CFAP54: variants seen among roughly 807,000 people sequenced by gnomAD.
CFAP54 encodes cilia- and flagella-associated protein 54.
CFAP54 carries 290 observed loss-of-function variants against 370.4 expected under a neutral mutation model. That is an observed-to-expected ratio of 0.78 (90% CI 0.71 to 0.86). CFAP54 has a LOEUF of 0.86. Ranked by LOEUF, CFAP54 falls within the 40% of genes least tolerant of loss-of-function variation. The pLI is 0.00. For missense variants in CFAP54, 3,399 were observed against 3,528.7 expected (o/e 0.96, Z 0.93); for synonymous variants, 1,206 against 1,236.5 (o/e 0.98, Z 0.52).
At chr12:96,669,718 G>A (rs1486616725) in intron 39 of CFAP54, among the ~76,000 whole-genome samples, 1 of 152,148 alleles carries the variant, frequency 6.6e-6, no homozygotes, top group East Asian at 1.9e-4. Context: ...TTACTTGCTT[G>A]GATTTAGTTC....
chr12:96,671,991 A>G (rs1462129614), intron 39 of CFAP54, among the ~76,000 whole-genome samples: 1 of 152,088 alleles, frequency 6.6e-6, no homozygotes, highest in East Asian at 1.9e-4. Flanking sequence ...AGAAAGAAAG[A>G]AAGAAAAAGA....
At chr12:96,833,136 T>G (rs894460950) in intron 66 of CFAP54, among the ~76,000 whole-genome samples, 1 of 152,188 alleles carries the variant, frequency 6.6e-6, no homozygotes, top group Non-Finnish European at 1.5e-5. Flanking sequence ...GCTTTCCTTC[T>G]TAGTGATTAA....
chr12:96,661,205 G>A (rs533594343), intron 38 of CFAP54, among the ~76,000 whole-genome samples: 12 of 152,130 alleles, frequency 7.9e-5, no homozygotes, highest in South Asian at 4.1e-4. Context: ...TTATCCTGCC[G>A]TGGTCTTTCT....
chr12:96,676,203 C>T (rs993555002), intron 39 of CFAP54, among the ~76,000 whole-genome samples: 1 of 152,102 alleles, frequency 6.6e-6, no homozygotes, highest in Non-Finnish European at 1.5e-5. Context: ...AAAATAGTAA[C>T]CCTCTGAGCC....
chr12:96,598,725 T>C lies in CFAP54; in HGVS notation c.3597T>C (p.Ser1199=), dbSNP rs1413010389. ...AGAAACATACTGCGAGCTTTGAAAGTATACAACACATGATAGCTTGTTGTA... is the reference window on the plus strand; with the variant it reads ...AGAAACATACTGCGAGCTTTGAAAGCATACAACACATGATAGCTTGTTGTA... ...CSKKHTASFE[S]IQHMIACCIF... The change falls in exon 26 of 68, where the codon AGT becomes AGC. Residue 1199 remains serine, a synonymous_variant. Coordinates refer to ENST00000524981, the MANE Select transcript of CFAP54 (RefSeq NM_001306084.2). 3 of 676,850 alleles carry C rather than the reference T, an allele frequency of 4.4e-6. No individual in the cohort carries two copies. The highest frequency in any genetic ancestry group is 8.1e-6 in the Non-Finnish European group (3 of 370,700). The allele number at this position is 676,850 out of a possible 1,614,324, so 41.9% of individuals were successfully genotyped here.
intron 32 of CFAP54, among the ~76,000 whole-genome samples, chr12:96,631,692 C>A (rs1314202381): frequency 1.3e-5 from 2 of 148,850 alleles, no homozygotes; most frequent in African/African-American, 4.9e-5. Context: ...ATTTAACATG[C>A]ATAAACAATA....
chr12:96,725,187 A>C (rs1957816321), intron 50 of CFAP54, among the ~76,000 whole-genome samples: 2 of 151,764 alleles, frequency 1.3e-5, no homozygotes, highest in South Asian at 4.2e-4. Context: ...ATGAACTTTA[A>C]AGTAATTTTT....
chr12:96,520,828 C>T (rs1264374292), intron 6 of CFAP54, among the ~76,000 whole-genome samples: 5 of 152,218 alleles, frequency 3.3e-5, no homozygotes, highest in African/African-American at 1.2e-4. Context: ...ATCTTGTTAA[C>T]GACCATAAAT....
At chr12:96,741,891 T>C (rs540395096) in intron 51 of CFAP54, among the ~76,000 whole-genome samples, 2 of 152,310 alleles carry the variant, frequency 1.3e-5, no homozygotes, top group Admixed American at 1.3e-4. Flanking sequence ...GAATCCCACC[T>C]CCGTCAAAAT....
intron 6 of CFAP54, among the ~76,000 whole-genome samples, chr12:96,519,456 A>G (rs748067192): frequency 6.6e-6 from 1 of 152,084 alleles, no homozygotes; most frequent in African/African-American, 2.4e-5. Context: ...CTGCCAGGGG[A>G]AAAACAAAAC....
chr12:96,846,238 A>C (rs1959340869), intron 66 of CFAP54, among the ~76,000 whole-genome samples: 5 of 152,216 alleles, frequency 3.3e-5, no homozygotes, highest in Admixed American at 3.3e-4. Context: ...CATTTCTCTT[A>C]AATACTTCGT....
intron 4 of CFAP54, among the ~76,000 whole-genome samples, chr12:96,510,491 T>C (rs953951165): frequency 2.0e-5 from 3 of 152,152 alleles, no homozygotes; most frequent in South Asian, 4.1e-4. Context: ...TTGTCATTCT[T>C]GAGGGCAGTC....
At chr12:96,659,576 T>C (rs888228545) in intron 38 of CFAP54, among the ~76,000 whole-genome samples, 14 of 152,238 alleles carry the variant, frequency 9.2e-5, no homozygotes, top group African/African-American at 3.4e-4. Flanking sequence ...TAAAATATCA[T>C]TTTTAGTATT....
At chr12:96,513,570 G>A (rs1467584563) in intron 5 of CFAP54, among the ~76,000 whole-genome samples, 2 of 152,040 alleles carry the variant, frequency 1.3e-5, no homozygotes, top group East Asian at 1.9e-4. Context: ...GCAAAACCCC[G>A]TCTTTACAAA....
intron 20 of CFAP54, among the ~76,000 whole-genome samples, chr12:96,579,804 T>G (rs1205665929): frequency 2.0e-5 from 3 of 152,164 alleles, no homozygotes; most frequent in African/African-American, 7.2e-5. Flanking sequence ...ATTGTCTAAC[T>G]ATTTAATCAA....
chr12:96,623,994 T>G, intron 28 of CFAP54, 113 bp downstream of exon 28: 1 of 672,100 alleles, frequency 1.5e-6, no homozygotes, highest in South Asian at 2.0e-5. Flanking sequence ...CTTTAAGGTT[T>G]ACACAGTGCT....
intron 51 of CFAP54, 101 bp downstream of exon 51, chr12:96,740,162 G>A (rs1475868368): frequency 1.5e-6 from 1 of 680,524 alleles, no homozygotes; most frequent in African/African-American, 1.8e-5. Context: ...AAGGAGTAAA[G>A]TAGAAAAAAC....
chr12:96,518,834 T>G (rs985726780), intron 5 of CFAP54, 94 bp from the exon 6 acceptor site: 2 of 1,180,998 alleles, frequency 1.7e-6, no homozygotes, highest in Non-Finnish European at 2.2e-6. Flanking sequence ...AATCAGCAAC[T>G]TGTGCTCACA....
chr12:96,830,469 G>T (rs1592793728), intron 66 of CFAP54, among the ~76,000 whole-genome samples: 1 of 152,154 alleles, frequency 6.6e-6, no homozygotes, highest in South Asian at 2.1e-4. Flanking sequence ...TAATGATGTT[G>T]AGCATCTTTT....
Sources: allele counts gnomAD v4.1 joint callset (sites outside exome capture counted in the v4.1 genomes callset), GRCh38; gene constraint gnomAD v4.1.1; transcripts MANE v1.5; gene names NCBI Gene and HGNC (gene_info 2026-07-23, HGNC 2026-07-21).